Variants in INTS4 observed in about 807,000 individuals in gnomAD.
INTS4 encodes MSTP093.
INTS4 carries 70 observed loss-of-function variants against 119.5 expected under a neutral mutation model. The observed-to-expected ratio is 0.59, with a 90% CI of 0.48 to 0.71. INTS4 has a LOEUF of 0.71. INTS4 is among the 30% of genes least tolerant of loss of function. The pLI is 0.00. For missense variants in INTS4, 867 were observed against 1,173.2 expected (o/e 0.74, Z 3.81); for synonymous variants, 316 against 419.6 (o/e 0.75, Z 3.02).
downstream of INTS4, chr11:77,876,839 A>T (rs958367534): frequency 1.7e-6 from 1 of 601,620 alleles, no homozygotes; most frequent in Non-Finnish European, 3.0e-6. Context: ...GATTTTTATA[A>T]AAGGGGTACT....
intron 22 of INTS4, among the ~76,000 whole-genome samples, chr11:77,880,908 A>G (rs1261745874): frequency 1.3e-5 from 2 of 152,176 alleles, no homozygotes; most frequent in Non-Finnish European, 1.5e-5. Context: ...TGGGCAACAG[A>G]AGGAAACCCT....
chr11:77,929,713 G>A (rs1157048310), intron 10 of INTS4, among the ~76,000 whole-genome samples: 1 of 152,140 alleles, frequency 6.6e-6, no homozygotes, highest in Non-Finnish European at 1.5e-5. Context: ...AGAGCAAACT[G>A]TAGTGAATGA....
At chr11:77,968,525 T>C (rs1445802146) in intron 4 of INTS4, among the ~76,000 whole-genome samples, 1 of 152,172 alleles carries the variant, frequency 6.6e-6, no homozygotes, top group Non-Finnish European at 1.5e-5. Context: ...TTAATGGGTA[T>C]AGAGTTTCAC....
At chr11:77,940,771 G>A (rs1315278741) in intron 9 of INTS4, among the ~76,000 whole-genome samples, 2 of 152,094 alleles carry the variant, frequency 1.3e-5, no homozygotes, top group Non-Finnish European at 2.9e-5. Flanking sequence ...CAAGTAGCTA[G>A]GACTACAGGC....
chr11:77,956,084 G>A, intron 7 of INTS4, 22 bp from the exon 8 acceptor site: 1 of 1,580,660 alleles, frequency 6.3e-7, no homozygotes, highest in Non-Finnish European at 8.6e-7. Context: ...GAAAAGAAAT[G>A]AAATCACTTA....
intron 15 of INTS4, 47 bp downstream of exon 15, chr11:77,918,774 G>C (rs751966254): frequency 2.5e-5 from 40 of 1,600,186 alleles, no homozygotes; most frequent in Non-Finnish European, 2.9e-5. Context: ...CAGTCAAGCT[G>C]AGTGTAACAG....
chr11:77,982,022 A>C (rs1432853692), intron 2 of INTS4, among the ~76,000 whole-genome samples: 2 of 152,110 alleles, frequency 1.3e-5, no homozygotes, highest in African/African-American at 4.8e-5. Context: ...AGCAACTTGC[A>C]CCAACAACTG....
intron 9 of INTS4, among the ~76,000 whole-genome samples, chr11:77,939,882 A>C (rs1346818665): frequency 1.3e-5 from 2 of 152,102 alleles, no homozygotes; most frequent in Non-Finnish European, 1.5e-5. Flanking sequence ...AACAAACAAA[A>C]AAACCATGCA....
chr11:77,920,258 C>CATATATATACATATATATACAT (rs58721042), intron 14 of INTS4, among the ~76,000 whole-genome samples: 5 of 142,498 alleles, frequency 3.5e-5, no homozygotes, highest in African/African-American at 5.2e-5. Flanking sequence ...TACATATATA[C>CATATATATACATATATATACAT]ATATATACAC....
intron 10 of INTS4, among the ~76,000 whole-genome samples, chr11:77,933,724 C>G (rs1024205583): frequency 1.3e-5 from 2 of 151,934 alleles, no homozygotes; most frequent in African/African-American, 2.4e-5. Context: ...CCTGCCGCCC[C>G]CTATGAGAAG....
chr11:77,977,515 G>GA (rs546684735), intron 4 of INTS4, among the ~76,000 whole-genome samples: 5 of 150,874 alleles, frequency 3.3e-5, no homozygotes, highest in Admixed American at 1.3e-4. Context: ...TGTATTTAAA[G>GA]AAAAAAAATG....
chr11:77,980,319 G>C (rs1204015775), intron 3 of INTS4, among the ~76,000 whole-genome samples: 2 of 152,018 alleles, frequency 1.3e-5, no homozygotes, highest in Admixed American at 1.3e-4. Flanking sequence ...TTTTCCATGG[G>C]AAAAAATGAT....
At chr11:77,989,471 TAACAA>T (rs1291796673) in intron 2 of INTS4, among the ~76,000 whole-genome samples, 4 of 151,486 alleles carry the variant, frequency 2.6e-5, no homozygotes, top group African/African-American at 9.7e-5. Flanking sequence ...AAAAAAATAA[TAACAA>T]AATAAAATAA....
intron 8 of INTS4, among the ~76,000 whole-genome samples, chr11:77,953,916 C>T (rs1171889374): frequency 2.7e-5 from 4 of 150,720 alleles, no homozygotes; most frequent in South Asian, 4.2e-4. Context: ...CGGGTTCAAG[C>T]GATTCTCCTG....
chr11:77,891,423 C>T lies in INTS4; in HGVS notation c.2488G>A (p.Glu830Lys). The change falls in exon 21 of 23, where the codon GAG becomes AAG. Residue 830 changes from glutamate to lysine, a missense_variant. Physicochemically the swap from Glu to Lys is moderately conservative, Grantham distance 56 (BLOSUM62 1). Transcript: ENST00000534064. Reference sequence around the variant, plus strand: ...GTAAACCGCAAAGGGTTGTCTGACTCGCCCGCTGGCTCGATGATGGTGGCT... The same window carrying T: ...GTAAACCGCAAAGGGTTGTCTGACTTGCCCGCTGGCTCGATGATGGTGGCT... ...ASATIIEPAGESDNPLRFTSG... is the reference protein window; with the variant it reads ...ASATIIEPAGKSDNPLRFTSG... 1.2e-6 allele frequency: 2 copies of T among 1,613,626 alleles called. No homozygotes were observed. Among genetic ancestry groups the T allele is most frequent in the East Asian group, 2.2e-5 (1 of 44,870 alleles).
chr11:77,972,057 G>GA (rs1389629110), intron 4 of INTS4, among the ~76,000 whole-genome samples: 1 of 152,134 alleles, frequency 6.6e-6, no homozygotes, highest in Non-Finnish European at 1.5e-5. Flanking sequence ...CATCCATATA[G>GA]AAAATCAGTT....
intron 2 of INTS4, among the ~76,000 whole-genome samples, 156 bp from the exon 3 acceptor site, chr11:77,981,732 A>T (rs1306820362): frequency 7.2e-6 from 1 of 139,156 alleles, no homozygotes; most frequent in Non-Finnish European, 1.5e-5. Flanking sequence ...CTGGAGAGAC[A>T]GCTTTCTTTT....
chr11:77,915,119 A>G (rs1591050081), intron 15 of INTS4: 1 of 172,160 alleles, frequency 5.8e-6, no homozygotes, highest in East Asian at 1.5e-4. Context: ...CAAAGCAGTG[A>G]TATGTGTGAG....
At chr11:77,959,715 G>A (rs1477782637) in intron 6 of INTS4, among the ~76,000 whole-genome samples, 1 of 152,072 alleles carries the variant, frequency 6.6e-6, no homozygotes, top group Non-Finnish European at 1.5e-5. Flanking sequence ...GATGGGGCTT[G>A]GCTAATTATC....
Sources: allele counts gnomAD v4.1 joint callset (sites outside exome capture counted in the v4.1 genomes callset), GRCh38; gene constraint gnomAD v4.1.1; transcripts MANE v1.5; gene names NCBI Gene and HGNC (gene_info 2026-07-23, HGNC 2026-07-21).